RTTN: variants seen among roughly 807,000 people sequenced by gnomAD.
The protein encoded by RTTN is rotatin.
Under a neutral mutation model 269.2 loss-of-function variants are expected in RTTN, and 182 were observed. The observed-to-expected ratio is 0.68, with a 90% CI of 0.60 to 0.76. RTTN has a LOEUF of 0.76. Ranked by LOEUF, RTTN falls within the 30% of genes least tolerant of loss-of-function variation. The probability of loss-of-function intolerance (pLI) is 0.00; values close to 1 mark genes in which losing one functional copy is unlikely to be tolerated. For synonymous variants in RTTN, 1,006 were observed against 963.5 expected (o/e 1.04, Z -0.82); for missense variants, 2,545 against 2,608.6 (o/e 0.98, Z 0.53).
intron 28 of RTTN, among the ~76,000 whole-genome samples, chr18:70,100,728 CTTA>C (rs1011463033): frequency 6.0e-4 from 92 of 152,210 alleles, no homozygotes; most frequent in African/African-American, 2.1e-3. Flanking sequence ...ATAAATAGCT[CTTA>C]TTATTGCGAG....
chr18:70,180,762 C>G (rs1034199205), intron 10 of RTTN, among the ~76,000 whole-genome samples: 13 of 152,080 alleles, frequency 8.5e-5, no homozygotes, highest in African/African-American at 3.1e-4. Flanking sequence ...AATTAAATGA[C>G]CTCATAAATA....
chr18:70,199,018 C>T (rs2061883952), intron 5 of RTTN, among the ~76,000 whole-genome samples: 1 of 152,088 alleles, frequency 6.6e-6, no homozygotes, highest in South Asian at 2.1e-4. Context: ...GAAACCCCAT[C>T]TCTACTAAAA....
chr18:70,137,101 C>CG (rs1481902057), intron 21 of RTTN, among the ~76,000 whole-genome samples: 2 of 151,968 alleles, frequency 1.3e-5, no homozygotes, highest in Non-Finnish European at 2.9e-5. Context: ...AAATTGAGAA[C>CG]GAGAAGAAAA....
chr18:70,127,848 CT>C, intron 24 of RTTN, 107 bp from the exon 25 acceptor site: 1 of 1,054,602 alleles, frequency 9.5e-7, no homozygotes, highest in Non-Finnish European at 1.3e-6. Context: ...TCTTCATTTT[CT>C]TTTAACAAAA....
Position 70,192,685 on chromosome 18 carries a change from A to T in RTTN, c.1007+603T>A, listed in dbSNP as rs868128949. ...ACCTTGTCTCAAAAAAAAAAAAAAA[A>T]AAAAGAAAAAAATCTGTATTTACAC... On this transcript the variant is annotated intron_variant, in intron 8 of 48. Transcript: ENST00000640769. Among the ~76,000 whole-genome samples the T allele has an allele frequency of 4.1e-3, 623 of 151,820 alleles. 7 individuals carry two copies. The highest frequency in any genetic ancestry group is 0.014 in the African/African-American group (591 of 41,436).
chr18:70,097,508 G>A lies in RTTN; in HGVS notation c.3904-4704C>T, dbSNP rs76327300. Among the ~76,000 whole-genome samples the A allele has an allele frequency of 5.0e-3, 765 of 152,300 alleles. 6 individuals are homozygous for A. The highest frequency in any genetic ancestry group is 0.017 in the African/African-American group (725 of 41,566). ...TACCCTGCTACAATTTTTAACAAAA[G>A]TGACGGATTCTTTCCTAATATTTGC... On this transcript the variant is annotated intron_variant, in intron 28 of 48. Coordinates refer to ENST00000640769, the MANE Select transcript of RTTN (RefSeq NM_173630.4).
intron 43 of RTTN, among the ~76,000 whole-genome samples, chr18:70,026,912 G>C (rs2056870098): frequency 6.6e-6 from 1 of 152,140 alleles, no homozygotes; most frequent in African/African-American, 2.4e-5. Context: ...ATGCCCCAAA[G>C]ACTCTTGAGG....
chr18:70,062,325 T>A (rs536180655), intron 35 of RTTN, among the ~76,000 whole-genome samples: 11 of 152,278 alleles, frequency 7.2e-5, no homozygotes, highest in African/African-American at 2.6e-4. Flanking sequence ...GAAGGGTCAC[T>A]ATCCCACCCC....
At position 70,166,122 on chromosome 18, in the gene RTTN, C is replaced by A. The variant is rs757634334; in HGVS notation, c.1869G>T (p.Leu623Phe). Residue 623 changes from leucine (L) to phenylalanine (F), a missense_variant, in exon 14 of 49, where the codon TTG becomes TTT. By Grantham distance (22) the Leu-to-Phe change is conservative. Transcript: ENST00000640769. ...GESQKVLLHMLSHPLPRVKAE... is the reference protein window; with the variant it reads ...GESQKVLLHMFSHPLPRVKAE... ...CTTTCACTCGTGGCAATGGGTGAGA[C>A]AACATATGGAGAAGCACCTTCTGAC... 53 of 1,613,660 alleles carry A rather than the reference C, an allele frequency of 3.3e-5. No individual in the cohort carries two copies. Among genetic ancestry groups the A allele is most frequent in the South Asian group, 2.1e-4 (19 of 91,058 alleles).
chr18:70,129,651 A>T (rs1599692359), intron 23 of RTTN: 1 of 152,060 alleles, frequency 6.6e-6, no homozygotes, highest in East Asian at 1.9e-4. Flanking sequence ...ACTTAATGTA[A>T]GACCTGCAAC....
At chr18:70,087,928 T>A in intron 31 of RTTN, 61 bp downstream of exon 31, 1 of 1,552,068 alleles carries the variant, frequency 6.4e-7, no homozygotes, top group Non-Finnish European at 8.8e-7. Context: ...CAGTCAAGTA[T>A]CGCTTACGGA....
chr18:70,048,290 G>T (rs2057550862), intron 39 of RTTN, 102 bp from the exon 40 acceptor site: 4 of 1,086,330 alleles, frequency 3.7e-6, no homozygotes, highest in Non-Finnish European at 5.3e-6. Context: ...GGATCATCTA[G>T]ATTACCAACT....
At chr18:70,061,398 T>G in intron 35 of RTTN, 1 of 456,256 alleles carries the variant, frequency 2.2e-6, no homozygotes, top group Non-Finnish European at 4.4e-6. Context: ...AAGTGTCGAT[T>G]CCCTAAAGTG....
At chr18:70,158,003 G>A (rs2060728499) in intron 14 of RTTN, among the ~76,000 whole-genome samples, 1 of 151,914 alleles carries the variant, frequency 6.6e-6, no homozygotes, top group African/African-American at 2.4e-5. Context: ...AGGAGAGAGA[G>A]CAAGCAACTT....
intron 18 of RTTN, 58 bp from the exon 19 acceptor site, chr18:70,142,445 A>G (rs1599749245): frequency 4.1e-6 from 4 of 965,056 alleles, no homozygotes; most frequent in East Asian, 2.4e-5. Context: ...CAATTCTCCA[A>G]TAAGATTTTA....
Position 70,054,572 on chromosome 18 carries a change from C to A in RTTN, c.5032-288G>T, listed in dbSNP as rs550341730. Reference sequence around the variant, plus strand: ...TTGGCCAGGTGTGGTAGCTAACACACCTGTAATGCCAGTCCTTTGAGAGGC... The same window carrying A: ...TTGGCCAGGTGTGGTAGCTAACACAACTGTAATGCCAGTCCTTTGAGAGGC... On this transcript the variant is annotated intron_variant, in intron 37 of 48. Coordinates refer to ENST00000640769, the MANE Select transcript of RTTN (RefSeq NM_173630.4). 3.3e-5 allele frequency among the ~76,000 whole-genome samples: 5 copies of A among 152,268 alleles called. No homozygotes were observed. In the South Asian group the frequency reaches 8.3e-4, roughly 25 times the overall value.
chr18:70,048,190 T>C lies in RTTN; in HGVS notation c.5324-2A>G. Reference sequence around the variant, plus strand: ...AGCCTGCACATGTGCAGAACATATCTAAAGGAATAATTTCAGATGTGAATG... The same window carrying C: ...AGCCTGCACATGTGCAGAACATATCCAAAGGAATAATTTCAGATGTGAATG... On this transcript the variant is annotated splice_acceptor_variant, in intron 39 of 48. Coordinates refer to ENST00000640769, the MANE Select transcript of RTTN (RefSeq NM_173630.4). LOFTEE classifies it high-confidence loss of function. The C allele has an allele frequency of 6.2e-7, 1 of 1,602,736 alleles. No individual in the cohort carries two copies. The highest frequency in any genetic ancestry group is 8.5e-7 in the Non-Finnish European group (1 of 1,172,106).
Position 70,134,652 on chromosome 18 carries a change from A to G in RTTN, c.2886-111T>C. 6 of 664,796 alleles carry G rather than the reference A, an allele frequency of 9.0e-6. 1 individual carries two copies. The South Asian group carries it at 1.1e-4, about 12-fold the overall frequency. 41.2% of individuals were successfully genotyped at this position (664,796 alleles called of 1,614,324 possible). On this transcript the variant is annotated intron_variant, in intron 22 of 48. Coordinates refer to ENST00000640769, the MANE Select transcript of RTTN (RefSeq NM_173630.4). ...GACTGCAAATGAAATCAAGCAGTGC[A>G]ACTGAGTCTATCATTTAGTATAGAA...
intron 10 of RTTN, among the ~76,000 whole-genome samples, chr18:70,184,561 A>T (rs994102790): frequency 5.4e-4 from 82 of 152,114 alleles, no homozygotes; most frequent in African/African-American, 1.8e-3. Context: ...TAAAAAAAAT[A>T]AAAATAAAAA....
Sources: gnomAD v4.1 joint callset for allele counts (sites outside exome capture counted in the v4.1 genomes callset) on GRCh38, gnomAD v4.1.1 for gene constraint, MANE v1.5 for transcripts, NCBI Gene and HGNC (gene_info 2026-07-23, HGNC 2026-07-21) for gene names.